Variants in RAI14 observed in about 807,000 individuals in gnomAD.
RAI14 encodes ankycorbin.
A neutral mutation model predicts 115.4 loss-of-function variants in RAI14; 45 were observed. That is an observed-to-expected ratio of 0.39 (90% CI 0.31 to 0.50). RAI14 has a LOEUF of 0.50. RAI14 is among the 20% of genes least tolerant of loss of function. RAI14 has a pLI of 0.85. For missense variants in RAI14, 939 were observed against 1,131.2 expected (o/e 0.83, Z 2.44); for synonymous variants, 371 against 415.4 (o/e 0.89, Z 1.30).
intron 3 of RAI14, among the ~76,000 whole-genome samples, chr5:34,775,485 C>T (rs200445387): frequency 1.3e-5 from 2 of 152,244 alleles, no homozygotes; most frequent in South Asian, 2.1e-4. Flanking sequence ...GTAATCCCAG[C>T]ACTTTGGGAG....
intron 2 of RAI14, among the ~76,000 whole-genome samples, chr5:34,732,769 A>G (rs1338614873): frequency 3.4e-5 from 5 of 147,332 alleles, no homozygotes; most frequent in South Asian, 2.1e-4. Flanking sequence ...ACATATATAT[A>G]TTATATTTAT....
chr5:34,735,160 C>G (rs1744712824), intron 2 of RAI14, among the ~76,000 whole-genome samples: 1 of 152,052 alleles, frequency 6.6e-6, no homozygotes, highest in African/African-American at 2.4e-5. Flanking sequence ...GGCTGTTGAG[C>G]AAAATATTTG....
intron 3 of RAI14, among the ~76,000 whole-genome samples, chr5:34,789,025 C>T (rs1405886155): frequency 7.9e-5 from 12 of 152,206 alleles, no homozygotes. Context: ...ACTTACTGCC[C>T]TGGCCCCCTA....
chr5:34,708,752 TG>T (rs1206219593), intron 2 of RAI14, among the ~76,000 whole-genome samples: 1 of 152,104 alleles, frequency 6.6e-6, no homozygotes, highest in Non-Finnish European at 1.5e-5. Context: ...TTTAAAACCA[TG>T]GGGGTAATTG....
intron 3 of RAI14, among the ~76,000 whole-genome samples, chr5:34,767,768 T>C (rs1377998724): frequency 6.6e-6 from 1 of 152,040 alleles, no homozygotes; most frequent in African/African-American, 2.4e-5. Context: ...TTTGGTTTCC[T>C]ACGTACTTGT....
intron 2 of RAI14, among the ~76,000 whole-genome samples, chr5:34,728,317 G>T (rs533096847): frequency 6.6e-6 from 1 of 152,252 alleles, no homozygotes; most frequent in South Asian, 2.1e-4. Context: ...GACTTTGGGG[G>T]GCCGTTGGGA....
chr5:34,718,121 G>A (rs1203792730), intron 2 of RAI14, among the ~76,000 whole-genome samples: 1 of 152,170 alleles, frequency 6.6e-6, no homozygotes, highest in African/African-American at 2.4e-5. Context: ...ACGGAATGCT[G>A]GCCAGTGCCC....
chr5:34,778,112 T>A (rs1428933093), intron 3 of RAI14, among the ~76,000 whole-genome samples: 2 of 152,214 alleles, frequency 1.3e-5, no homozygotes, highest in Non-Finnish European at 2.9e-5. Context: ...TCACATGTAC[T>A]CCATAATAAG....
rs1253199492 is a variant in RAI14 at position 34,686,899 on chromosome 5, G to C, written c.-21G>C. 1 of 1,612,776 alleles carries C rather than the reference G, an allele frequency of 6.2e-7. No homozygotes were observed. The highest frequency in any genetic ancestry group is 2.2e-5 in the East Asian group (1 of 44,814). ...GTTGAAAAGTCTCCTCTAGAGCTTT[G>C]GAAGGCTGAATGCACTAAACATGAA... On this transcript the variant is annotated 5_prime_UTR_variant, in exon 2 of 18. Coordinates refer to ENST00000265109, the MANE Select transcript of RAI14 (RefSeq NM_015577.3).
intron 3 of RAI14, among the ~76,000 whole-genome samples, chr5:34,782,483 G>A (rs1751784877): frequency 6.6e-6 from 1 of 152,144 alleles, no homozygotes; most frequent in African/African-American, 2.4e-5. Context: ...GCTCCTTCAA[G>A]CACTCCAGTT....
chr5:34,706,575 G>A (rs1299808999), intron 2 of RAI14, among the ~76,000 whole-genome samples: 1 of 152,168 alleles, frequency 6.6e-6, no homozygotes, highest in Non-Finnish European at 1.5e-5. Context: ...CTTAATGGAA[G>A]AAATGTTTTA....
At chr5:34,777,984 A>G (rs1751098894) in intron 3 of RAI14, among the ~76,000 whole-genome samples, 1 of 152,212 alleles carries the variant, frequency 6.6e-6, no homozygotes, top group African/African-American at 2.4e-5. Flanking sequence ...TGTCTATTGT[A>G]AAGTATGTAG....
chr5:34,822,998 T>C lies in RAI14; in HGVS notation c.1156T>C (p.Ser386Pro). 2 of 1,613,988 alleles carry C rather than the reference T, an allele frequency of 1.2e-6. No individual in the cohort carries two copies. Among genetic ancestry groups the C allele is most frequent in the Non-Finnish European group, 1.7e-6 (2 of 1,179,984 alleles). Residue 386 changes from serine to proline, a missense_variant, in exon 15 of 18, where the codon TCA (serine) becomes CCA (proline). Ser to Pro is a moderately conservative substitution (Grantham distance 74, BLOSUM62 -1). Coordinates refer to ENST00000265109, the MANE Select transcript of RAI14 (RefSeq NM_015577.3). The stretch of plus-strand genomic sequence containing the variant: ...GGCGGAAGCAGACCTAAGCTTTGAC[T>C]CATACCATTCCACCCAAACTGACTT... The part of the protein sequence containing the change: ...KEAEADLSFD[S>P]YHSTQTDLGP...
chr5:34,778,203 A>G (rs570950777), intron 3 of RAI14, among the ~76,000 whole-genome samples: 6 of 152,352 alleles, frequency 3.9e-5, no homozygotes, highest in South Asian at 2.1e-4. Context: ...AACTTATTCT[A>G]TGTTTAGTGT....
intron 2 of RAI14, among the ~76,000 whole-genome samples, chr5:34,712,313 A>G (rs2149967949): frequency 6.6e-6 from 1 of 152,304 alleles, no homozygotes; most frequent in Middle Eastern, 3.4e-3. Flanking sequence ...CTTAAGAGGA[A>G]AAGGAACAAT....
chr5:34,768,198 G>A (rs1002219736), intron 3 of RAI14, among the ~76,000 whole-genome samples: 1 of 144,350 alleles, frequency 6.9e-6, no homozygotes, highest in Non-Finnish European at 1.5e-5. Flanking sequence ...GACTCTGTGA[G>A]GGGGTCCCAA....
At chr5:34,765,856 C>T (rs2150117282) in intron 3 of RAI14, among the ~76,000 whole-genome samples, 1 of 152,324 alleles carries the variant, frequency 6.6e-6, no homozygotes, top group Non-Finnish European at 1.5e-5. Flanking sequence ...AAAGTGGTTT[C>T]ATGGGCTGGG....
At chr5:34,794,889 C>A (rs1455729758) in intron 3 of RAI14, among the ~76,000 whole-genome samples, 2 of 152,094 alleles carry the variant, frequency 1.3e-5, no homozygotes, top group South Asian at 2.1e-4. Flanking sequence ...TCCTTCCCAG[C>A]GAGAAAATAT....
intron 12 of RAI14, among the ~76,000 whole-genome samples, chr5:34,817,839 G>T (rs1756435468): frequency 6.6e-6 from 1 of 152,214 alleles, no homozygotes; most frequent in African/African-American, 2.4e-5. Flanking sequence ...TGGTTGTAAT[G>T]AAGCATGAAG....
Sources: allele counts gnomAD v4.1 joint callset (sites outside exome capture counted in the v4.1 genomes callset), GRCh38; gene constraint gnomAD v4.1.1; transcripts MANE v1.5; gene names NCBI Gene and HGNC (gene_info 2026-07-23, HGNC 2026-07-21).